DMRT1: variants seen among roughly 807,000 people sequenced by gnomAD.
DMRT1 encodes the protein doublesex and mab-3 related transcription factor 1, also known as doublesex- and mab-3-related transcription factor 1.
A neutral mutation model predicts 32.3 loss-of-function variants in DMRT1; 7 were observed. The ratio of observed to expected loss-of-function variants is 0.22; its 90% CI spans 0.12 to 0.41. The LOEUF is 0.41. DMRT1 is among the 10% of genes least tolerant of loss of function. The pLI is 1.00. For missense variants in DMRT1, 625 were observed against 500.5 expected, an observed-to-expected ratio of 1.25 and a Z score of -2.37; for synonymous variants, 278 against 206.1, an observed-to-expected ratio of 1.35 and a Z score of -2.99.
Position 850,916 on chromosome 9 carries a change from C to G in DMRT1, c.538+3773C>G, listed in dbSNP as rs543621885. Among the ~76,000 whole-genome samples, 3 of 151,764 alleles carry G rather than the reference C, an allele frequency of 2.0e-5. No individual in the cohort carries two copies. In the East Asian group the frequency reaches 5.9e-4, roughly 30 times the overall value. ...TGGTGGCACACGCCTGTAATCCCAG[C>G]TACTCGAGAGGCTGAGGCAGGGGAA... On this transcript the variant is annotated intron_variant, in intron 2 of 4. Coordinates refer to ENST00000382276, the MANE Select transcript of DMRT1 (RefSeq NM_021951.3).
At chr9:908,512 A>G (rs1699536659) in intron 3 of DMRT1, among the ~76,000 whole-genome samples, 1 of 151,998 alleles carries the variant, frequency 6.6e-6, no homozygotes. Flanking sequence ...CCCTCTCCAC[A>G]ATTTATGGAA....
At chr9:842,319 C>T (rs756302236) in intron 1 of DMRT1, 127 bp downstream of exon 1, 31 of 1,221,950 alleles carry the variant, frequency 2.5e-5, no homozygotes, top group Admixed American at 5.0e-5. Flanking sequence ...ACTGCAACCT[C>T]CGCTTCCCGG....
chr9:865,050 A>G (rs1233080464), intron 2 of DMRT1, among the ~76,000 whole-genome samples: 1 of 152,188 alleles, frequency 6.6e-6, no homozygotes, highest in South Asian at 2.1e-4. Flanking sequence ...TGGAATTAGA[A>G]TGCACGTTAC....
At chr9:959,142 T>C (rs181001621) in intron 4 of DMRT1, among the ~76,000 whole-genome samples, 2 of 152,388 alleles carry the variant, frequency 1.3e-5, no homozygotes, top group South Asian at 2.1e-4. Flanking sequence ...AAATGATAAG[T>C]CTATTTCAGA....
chr9:924,088 T>TTCC (rs71327361), intron 4 of DMRT1, among the ~76,000 whole-genome samples: 69,771 of 144,072 alleles, frequency 0.48, 18,353 homozygotes, highest in South Asian at 0.69. Flanking sequence ...TTTTTTTTTT[T>TTCC]CCACCTGGAG....
chr9:886,441 A>T (rs1816932648), intron 2 of DMRT1, among the ~76,000 whole-genome samples: 1 of 151,916 alleles, frequency 6.6e-6, no homozygotes, highest in Non-Finnish European at 1.5e-5. Context: ...CTGTTTTTTG[A>T]GATGGGGTTT....
At chr9:873,512 T>A (rs1220419021) in intron 2 of DMRT1, among the ~76,000 whole-genome samples, 1 of 151,672 alleles carries the variant, frequency 6.6e-6, no homozygotes, top group East Asian at 1.9e-4. Context: ...AGAGATGGGG[T>A]TTCATCTTGT....
chr9:881,784 T>C (rs1269034034), intron 2 of DMRT1, among the ~76,000 whole-genome samples: 2 of 152,256 alleles, frequency 1.3e-5, no homozygotes, highest in Non-Finnish European at 2.9e-5. Flanking sequence ...AGGAACTGTG[T>C]TGGGAATCAT....
At chr9:862,030 G>T (rs1162710238) in intron 2 of DMRT1, among the ~76,000 whole-genome samples, 1 of 151,650 alleles carries the variant, frequency 6.6e-6, no homozygotes, top group Non-Finnish European at 1.5e-5. Context: ...GGGCGGCCGG[G>T]CGGAGGGGCT....
intron 4 of DMRT1, among the ~76,000 whole-genome samples, chr9:952,177 C>T (rs1444032552): frequency 6.6e-6 from 1 of 152,178 alleles, no homozygotes; most frequent in Non-Finnish European, 1.5e-5. Flanking sequence ...CATTCACAGC[C>T]ATATCCCCTG....
At chr9:959,326 T>A (rs1402000007) in intron 4 of DMRT1, among the ~76,000 whole-genome samples, 2 of 152,218 alleles carry the variant, frequency 1.3e-5, no homozygotes, top group Non-Finnish European at 1.5e-5. Context: ...GAGGAACTCA[T>A]TAAAAGCTGG....
intron 2 of DMRT1, among the ~76,000 whole-genome samples, chr9:849,277 A>C (rs764911529): frequency 2.6e-5 from 4 of 152,162 alleles, no homozygotes; most frequent in South Asian, 2.1e-4. Context: ...GAAAATGGAC[A>C]CTTAACGATT....
intron 3 of DMRT1, among the ~76,000 whole-genome samples, chr9:915,944 A>G (rs182971931): frequency 2.0e-5 from 3 of 152,198 alleles, no homozygotes; most frequent in East Asian, 1.9e-4. Context: ...TGTGTTAGCC[A>G]GGATGATCTC....
At chr9:852,302 A>G (rs1815178857) in intron 2 of DMRT1, among the ~76,000 whole-genome samples, 1 of 151,694 alleles carries the variant, frequency 6.6e-6, no homozygotes, top group African/African-American at 2.4e-5. Flanking sequence ...AGAAAAAAAA[A>G]AGATAAATGA....
At chr9:877,929 G>A (rs542749211) in intron 2 of DMRT1, among the ~76,000 whole-genome samples, 84 of 152,278 alleles carry the variant, frequency 5.5e-4, no homozygotes, top group Non-Finnish European at 9.7e-4. Context: ...CCCATGGTTG[G>A]CTTTGGAATA....
At chr9:868,096 G>A (rs1816070526) in intron 2 of DMRT1, among the ~76,000 whole-genome samples, 1 of 152,142 alleles carries the variant, frequency 6.6e-6, no homozygotes, top group South Asian at 2.1e-4. Flanking sequence ...TCCCACCTCA[G>A]CCTCCTGATT....
At chr9:881,067 A>G (rs1325660423) in intron 2 of DMRT1, among the ~76,000 whole-genome samples, 3 of 152,102 alleles carry the variant, frequency 2.0e-5, no homozygotes, top group African/African-American at 7.2e-5. Flanking sequence ...GCTGTCACGC[A>G]AAGTGGTCTG....
At chr9:924,864 A>T (rs1304143624) in intron 4 of DMRT1, among the ~76,000 whole-genome samples, 1 of 152,224 alleles carries the variant, frequency 6.6e-6, no homozygotes. Context: ...CTGTTGGATG[A>T]GGACAAGCAG....
At chr9:904,899 G>C in intron 3 of DMRT1, among the ~76,000 whole-genome samples, 1 of 147,308 alleles carries the variant, frequency 6.8e-6, no homozygotes, top group South Asian at 2.1e-4. Context: ...CCGAGATTGC[G>C]CCACTGTACT....
Sources: allele counts gnomAD v4.1 joint callset (sites outside exome capture counted in the v4.1 genomes callset), GRCh38; gene constraint gnomAD v4.1.1; transcripts MANE v1.5; gene names NCBI Gene and HGNC (gene_info 2026-07-23, HGNC 2026-07-21).